The following UGGT2 variants were observed in gnomAD, a reference collection of about 807,000 sequenced individuals.
UGGT2 encodes UDP-glucose glycoprotein glucosyltransferase 2.
UGGT2 carries 180 observed loss-of-function variants against 192.1 expected under a neutral mutation model. That is an observed-to-expected ratio of 0.94 (90% CI 0.83 to 1.06). The LOEUF (loss-of-function observed/expected upper bound fraction) is 1.06. Ranked by LOEUF, UGGT2 falls within the 50% of genes least tolerant of loss-of-function variation. The probability of loss-of-function intolerance (pLI) is 0.00; values close to 1 mark genes in which losing one functional copy is unlikely to be tolerated. For missense variants in UGGT2, 1,849 were observed against 1,795.7 expected (o/e 1.03, Z -0.54); for synonymous variants, 580 against 591.0 (o/e 0.98, Z 0.27).
chr13:95,878,451 C>A (rs1025090230), intron 27 of UGGT2, among the ~76,000 whole-genome samples: 4 of 152,074 alleles, frequency 2.6e-5, no homozygotes, highest in Non-Finnish European at 4.4e-5. Context: ...AAGTAACCTG[C>A]CTTTTCATTA....
At chr13:95,987,815 G>A (rs1348272202) in intron 8 of UGGT2, among the ~76,000 whole-genome samples, 1 of 152,102 alleles carries the variant, frequency 6.6e-6, no homozygotes, top group Non-Finnish European at 1.5e-5. Flanking sequence ...TCTCAGAGAA[G>A]AGGACTGCAT....
rs1307862748 is a variant in UGGT2, at chr13:95,884,507, T to C, written c.3212A>G (p.Asn1071Ser). 1 of 1,611,302 alleles carries C rather than the reference T, an allele frequency of 6.2e-7. No homozygotes were observed. Residue 1071 changes from asparagine (N) to serine (S), a missense_variant, in exon 27 of 39, where the codon AAT (asparagine) becomes AGT (serine). Transcript: ENST00000376747. ...ATAACTTACATCCTTTAAGTGAATA[T>C]TATCAAGGTCACAGTTGCTGTGCAC... The part of the protein sequence containing the change: ...ETVHSNCDLD[N>S]IHLKDTEKTV...
At chr13:95,978,981 G>A (rs1400339938) in intron 10 of UGGT2, among the ~76,000 whole-genome samples, 3 of 152,108 alleles carry the variant, frequency 2.0e-5, no homozygotes, top group Non-Finnish European at 2.9e-5. Context: ...TTGAATATCT[G>A]CATTTTAGTT....
intron 7 of UGGT2, chr13:95,995,824 T>G: frequency 6.4e-6 from 3 of 472,154 alleles, no homozygotes; most frequent in Admixed American, 4.1e-5. Context: ...CAAAACATTA[T>G]GAGTTATCTC....
At chr13:95,903,828 C>A (rs945312006) in intron 20 of UGGT2, among the ~76,000 whole-genome samples, 2 of 152,116 alleles carry the variant, frequency 1.3e-5, no homozygotes, top group Non-Finnish European at 2.9e-5. Flanking sequence ...ATACTAGCAA[C>A]AGATAACAAA....
intron 38 of UGGT2, among the ~76,000 whole-genome samples, chr13:95,820,573 T>C (rs193251644): frequency 6.6e-5 from 10 of 152,318 alleles, no homozygotes; most frequent in Non-Finnish European, 8.8e-5. Flanking sequence ...ATAAGAATAA[T>C]AGGTCATGAC....
At position 95,987,841 on chromosome 13, in the gene UGGT2, C is replaced by T. The variant is rs1457811819; in HGVS notation, c.932-1409G>A. Among the ~76,000 whole-genome samples the T allele has an allele frequency of 3.9e-5, 6 of 152,210 alleles. No individual in the cohort carries two copies. The East Asian group carries it at 5.8e-4, about 15-fold the overall frequency. On this transcript the variant is annotated intron_variant, in intron 8 of 38. Coordinates refer to ENST00000376747, the MANE Select transcript of UGGT2 (RefSeq NM_020121.4). ...AGGACTGCATACTTTGTTTGCCCCC[C>T]GCATCCACTCTTTCCTGCTCCGGGC...
intron 20 of UGGT2, among the ~76,000 whole-genome samples, chr13:95,922,932 C>T (rs574111709): frequency 2.2e-4 from 34 of 152,302 alleles, no homozygotes; most frequent in African/African-American, 8.2e-4. Context: ...TCAAGACTTT[C>T]AACACTGTGA....
chr13:95,867,831 CT>C (rs977460440), intron 29 of UGGT2, among the ~76,000 whole-genome samples: 1 of 152,134 alleles, frequency 6.6e-6, no homozygotes, highest in African/African-American at 2.4e-5. Context: ...CACTATCCAA[CT>C]TTTTAATATC....
intron 16 of UGGT2, among the ~76,000 whole-genome samples, chr13:95,937,810 A>T (rs2049516245): frequency 6.6e-6 from 1 of 152,198 alleles, no homozygotes; most frequent in Non-Finnish European, 1.5e-5. Flanking sequence ...AGTGAGGAGA[A>T]TATAGCAAGG....
intron 8 of UGGT2, among the ~76,000 whole-genome samples, chr13:95,986,846 A>C (rs920692892): frequency 1.3e-5 from 2 of 152,156 alleles, no homozygotes; most frequent in Non-Finnish European, 2.9e-5. Flanking sequence ...CAGTAAATAG[A>C]AACATTCAAT....
chr13:95,879,891 A>G (rs1241868028), intron 27 of UGGT2, among the ~76,000 whole-genome samples: 3 of 152,060 alleles, frequency 2.0e-5, no homozygotes, highest in Admixed American at 1.3e-4. Flanking sequence ...TTGAGAATGT[A>G]TTAATTTTTT....
chr13:95,803,029 T>C (rs1884136352), intron 38 of UGGT2, among the ~76,000 whole-genome samples: 1 of 150,826 alleles, frequency 6.6e-6, no homozygotes, highest in Non-Finnish European at 1.5e-5. Flanking sequence ...AGAGACGGGG[T>C]TTCACCGTGT....
chr13:95,961,657 C>G (rs1170061267), intron 12 of UGGT2, among the ~76,000 whole-genome samples: 3 of 152,138 alleles, frequency 2.0e-5, no homozygotes, highest in East Asian at 3.9e-4. Flanking sequence ...ATAGCTGGAA[C>G]CTTCAACACC....
chr13:95,870,957 A>G (rs1445830751), intron 29 of UGGT2, among the ~76,000 whole-genome samples: 2 of 152,246 alleles, frequency 1.3e-5, no homozygotes, highest in South Asian at 2.1e-4. Flanking sequence ...ATGCAGCAAG[A>G]AGGCTTCTGC....
intron 32 of UGGT2, among the ~76,000 whole-genome samples, chr13:95,860,551 CAACTGAAATAAATAAATAA>C (rs1187039189): frequency 1.4e-5 from 2 of 148,130 alleles, no homozygotes. Context: ...AGGACTTAAA[CAACTGAAATAAATAAATAA>C]ATATACACAT....
At chr13:95,920,109 C>T (rs2048800243) in intron 20 of UGGT2, among the ~76,000 whole-genome samples, 1 of 152,142 alleles carries the variant, frequency 6.6e-6, no homozygotes, top group Admixed American at 6.6e-5. Context: ...GGAAAGGGTT[C>T]CCTATTTAAT....
chr13:95,965,773 G>C (rs1434202318), intron 12 of UGGT2, among the ~76,000 whole-genome samples: 3 of 151,948 alleles, frequency 2.0e-5, no homozygotes, highest in Admixed American at 6.6e-5. Flanking sequence ...AAATTATACA[G>C]ATGGCAAACA....
chr13:95,851,316 G>A (rs1282085995), intron 36 of UGGT2, among the ~76,000 whole-genome samples: 1 of 152,164 alleles, frequency 6.6e-6, no homozygotes, highest in African/African-American at 2.4e-5. Flanking sequence ...TAGGAGTTGG[G>A]AATTCAAGGG....
Sources: gnomAD v4.1 joint callset for allele counts (sites outside exome capture counted in the v4.1 genomes callset) on GRCh38, gnomAD v4.1.1 for gene constraint, MANE v1.5 for transcripts, NCBI Gene and HGNC (gene_info 2026-07-23, HGNC 2026-07-21) for gene names.